Variants in FOXN2 observed in about 807,000 individuals in gnomAD.
The protein encoded by FOXN2 is forkhead box N2.
Under a neutral mutation model 41.2 loss-of-function variants are expected in FOXN2, and 19 were observed. The ratio of observed to expected loss-of-function variants is 0.46; its 90% confidence interval spans 0.32 to 0.68. The LOEUF is 0.68. Ranked by LOEUF, FOXN2 falls within the 30% of genes least tolerant of loss-of-function variation. The probability of loss-of-function intolerance (pLI) is 0.03; values close to 1 mark genes in which losing one functional copy is unlikely to be tolerated. For synonymous variants in FOXN2, 195 were observed against 176.8 expected (o/e 1.10, Z -0.82); for missense variants, 587 against 509.4 (o/e 1.15, Z -1.47).
chr2:48,338,925 A>G (rs757713864), intron 2 of FOXN2, among the ~76,000 whole-genome samples: 27 of 152,218 alleles, frequency 1.8e-4, no homozygotes, highest in Non-Finnish European at 3.4e-4. Context: ...TGAAAAGACA[A>G]GTCATCTACT....
intron 3 of FOXN2, 138 bp downstream of exon 3, chr2:48,346,889 GTTTTCACTTGAGATGTTTTAAAA>G: frequency 1.5e-6 from 1 of 661,302 alleles, no homozygotes; most frequent in Non-Finnish European, 2.4e-6. Flanking sequence ...ATATTCATTT[GTTTTCACTTGAGATGTTTTAAAA>G]TTTCTTAAAT....
At chr2:48,318,091 G>A (rs1669054274) in intron 1 of FOXN2, among the ~76,000 whole-genome samples, 1 of 152,002 alleles carries the variant, frequency 6.6e-6, no homozygotes, top group Non-Finnish European at 1.5e-5. Flanking sequence ...TTTTAGAATA[G>A]TTTTATAGTT....
intron 2 of FOXN2, among the ~76,000 whole-genome samples, chr2:48,345,917 A>G (rs1231283662): frequency 6.6e-6 from 1 of 152,190 alleles, no homozygotes; most frequent in Non-Finnish European, 1.5e-5. Context: ...TGGGCTAGGT[A>G]CTTTACTAAG....
chr2:48,351,790 C>T (rs779502641), intron 3 of FOXN2, among the ~76,000 whole-genome samples: 11 of 152,074 alleles, frequency 7.2e-5, no homozygotes, highest in Non-Finnish European at 1.2e-4. Context: ...GGACCTGTAC[C>T]GGTCTCCAGC....
chr2:48,350,914 AAG>A (rs1343104402), intron 3 of FOXN2, among the ~76,000 whole-genome samples: 1 of 152,178 alleles, frequency 6.6e-6, no homozygotes, highest in Non-Finnish European at 1.5e-5. Flanking sequence ...TGCCAAAAGT[AAG>A]AGTTCATATG....
intron 4 of FOXN2, 125 bp from the exon 5 acceptor site, chr2:48,362,518 G>T: frequency 2.7e-6 from 2 of 743,782 alleles, no homozygotes; most frequent in Non-Finnish European, 4.6e-6. Context: ...GCAGTAGGCT[G>T]AAATCATGCC....
At chr2:48,321,865 G>A (rs1669345187) in intron 1 of FOXN2, among the ~76,000 whole-genome samples, 1 of 152,138 alleles carries the variant, frequency 6.6e-6, no homozygotes. Flanking sequence ...CTTATTGTGG[G>A]ATAACATTGA....
At chr2:48,358,932 T>C (rs904821885) in intron 3 of FOXN2, 115 bp from the exon 4 acceptor site, 6 of 733,140 alleles carry the variant, frequency 8.2e-6, no homozygotes, top group Non-Finnish European at 1.3e-5. Context: ...TCAACCTTAG[T>C]TTCATACTCA....
chr2:48,322,762 A>G (rs1669416698), intron 1 of FOXN2, among the ~76,000 whole-genome samples: 1 of 148,518 alleles, frequency 6.7e-6, no homozygotes, highest in Non-Finnish European at 1.5e-5. Flanking sequence ...TATATTTGAT[A>G]TATATAATAC....
At chr2:48,324,691 A>C (rs529371739) in intron 1 of FOXN2, among the ~76,000 whole-genome samples, 1 of 151,968 alleles carries the variant, frequency 6.6e-6, no homozygotes, top group South Asian at 2.1e-4. Context: ...ATTGTTTTCT[A>C]TTTTCTTTCT....
At position 48,365,688 on chromosome 2, in the gene FOXN2, A is replaced by T. The variant is rs577375114; in HGVS notation, c.703+2981A>T. Among the ~76,000 whole-genome samples the T allele has an allele frequency of 2.8e-4, 42 of 152,198 alleles. 1 individual carries two copies. The highest frequency in any genetic ancestry group is 9.6e-4 in the African/African-American group (40 of 41,548). On this transcript the variant is annotated intron_variant, in intron 5 of 6. Transcript: ENST00000340553. ...CTACCAGCACCTTACCTCCATTCCT[A>T]TATGCATGAGTCTTAGGCCTGTTCC...
intron 3 of FOXN2, among the ~76,000 whole-genome samples, chr2:48,349,018 CT>C (rs1671285349): frequency 6.6e-6 from 1 of 152,194 alleles, no homozygotes; most frequent in South Asian, 2.1e-4. Context: ...AGGTGTGAGT[CT>C]TTCTGTGCCT....
At chr2:48,317,595 CTTTTTTT>C (rs574980247) in intron 1 of FOXN2, among the ~76,000 whole-genome samples, 6 of 34,742 alleles carry the variant, frequency 1.7e-4, no homozygotes, top group Admixed American at 5.2e-4. Flanking sequence ...TATAGTATTG[CTTTTTTT>C]TTTTTTTTTT....
At chr2:48,356,381 C>A (rs1671796174) in intron 3 of FOXN2, among the ~76,000 whole-genome samples, 1 of 151,922 alleles carries the variant, frequency 6.6e-6, no homozygotes, top group Non-Finnish European at 1.5e-5. Flanking sequence ...GCGGAGGTTG[C>A]AGTGAGCCGA....
intron 1 of FOXN2, among the ~76,000 whole-genome samples, chr2:48,321,438 A>T (rs1332708905): frequency 1.3e-5 from 2 of 152,170 alleles, no homozygotes; most frequent in Non-Finnish European, 2.9e-5. Flanking sequence ...CGGGAGGCTG[A>T]GGCAGGAGAA....
chr2:48,314,952 C>T (rs1376110010), intron 1 of FOXN2, 138 bp downstream of exon 1: 2 of 151,944 alleles, frequency 1.3e-5, no homozygotes, highest in African/African-American at 2.4e-5. Context: ...GTGACGCGCC[C>T]GGACATTTTT....
chr2:48,361,953 TAAG>T (rs1558636257), intron 4 of FOXN2, among the ~76,000 whole-genome samples: 4 of 152,232 alleles, frequency 2.6e-5, no homozygotes. Context: ...ATATCAAACT[TAAG>T]AATCCAATGC....
At chr2:48,368,937 G>A (rs1672708123) in intron 5 of FOXN2, among the ~76,000 whole-genome samples, 1 of 152,108 alleles carries the variant, frequency 6.6e-6, no homozygotes, top group Non-Finnish European at 1.5e-5. Flanking sequence ...ACTTATAAAT[G>A]TTTTAAACAA....
intron 2 of FOXN2, among the ~76,000 whole-genome samples, chr2:48,331,458 A>G (rs966743776): frequency 2.0e-5 from 3 of 152,340 alleles, no homozygotes; most frequent in African/African-American, 7.2e-5. Flanking sequence ...AATCGAACCA[A>G]GTTAATTGCA....
Sources: gnomAD v4.1 joint callset for allele counts (sites outside exome capture counted in the v4.1 genomes callset) on GRCh38, gnomAD v4.1.1 for gene constraint, MANE v1.5 for transcripts, NCBI Gene and HGNC (gene_info 2026-07-23, HGNC 2026-07-21) for gene names.